Variants in NRXN3 observed in about 807,000 individuals in gnomAD.
NRXN3 encodes the protein neurexin III.
Under a neutral mutation model 137.6 loss-of-function variants are expected in NRXN3, and 32 were observed. The observed-to-expected ratio is 0.23, with a 90% CI of 0.18 to 0.31. The LOEUF (loss-of-function observed/expected upper bound fraction) is 0.31, where lower values mean the gene tolerates loss of function less well. Ranked by LOEUF, NRXN3 falls within the 10% of genes least tolerant of loss-of-function variation. The pLI is 1.00. For synonymous variants in NRXN3, 798 were observed against 784.5 expected, an observed-to-expected ratio of 1.02 and a Z score of -0.29; for missense variants, 1,574 against 2,062.5, an observed-to-expected ratio of 0.76 and a Z score of 4.59.
chr14:78,550,992 T>G (rs1301897814), intron 4 of NRXN3, among the ~76,000 whole-genome samples: 1 of 152,224 alleles, frequency 6.6e-6, no homozygotes, highest in Non-Finnish European at 1.5e-5. Context: ...AATGACCTTG[T>G]GTAAGCTTTT....
At chr14:79,763,204 C>T (rs922377042) in intron 19 of NRXN3, among the ~76,000 whole-genome samples, 1 of 151,584 alleles carries the variant, frequency 6.6e-6, no homozygotes, top group African/African-American at 2.4e-5. Flanking sequence ...ATGAACTCAT[C>T]CTTTTTTATG....
intron 16 of NRXN3, among the ~76,000 whole-genome samples, chr14:79,565,304 C>CAT (rs1790811652): frequency 2.5e-5 from 3 of 119,656 alleles, no homozygotes; most frequent in Admixed American, 7.9e-5. Context: ...TGTGTATATA[C>CAT]ATATACACAC....
chr14:79,204,643 G>T (rs1263364310), intron 15 of NRXN3, among the ~76,000 whole-genome samples: 2 of 152,098 alleles, frequency 1.3e-5, no homozygotes, highest in African/African-American at 4.8e-5. Flanking sequence ...TTAAACATTT[G>T]TGGGTGTATT....
intron 4 of NRXN3, among the ~76,000 whole-genome samples, chr14:78,527,007 A>C (rs1411668728): frequency 6.6e-6 from 1 of 152,204 alleles, no homozygotes; most frequent in Non-Finnish European, 1.5e-5. Flanking sequence ...GAATTCAAGT[A>C]ATCTAGAGCT....
At chr14:78,665,100 C>T (rs1038743131) in intron 6 of NRXN3, among the ~76,000 whole-genome samples, 4 of 152,008 alleles carry the variant, frequency 2.6e-5, no homozygotes, top group African/African-American at 7.3e-5. Context: ...ATTCACATTA[C>T]GGTTGAAGGA....
intron 15 of NRXN3, among the ~76,000 whole-genome samples, chr14:79,251,375 G>T (rs2075902200): frequency 1.3e-5 from 2 of 152,142 alleles, no homozygotes; most frequent in South Asian, 4.1e-4. Context: ...CTCTAGTTTA[G>T]ATAGGGAGAG....
At chr14:79,337,009 C>T (rs563345098) in intron 15 of NRXN3, among the ~76,000 whole-genome samples, 1 of 152,130 alleles carries the variant, frequency 6.6e-6, no homozygotes, top group Admixed American at 6.5e-5. Context: ...AATATGCTGC[C>T]GTTAAAAACG....
intron 10 of NRXN3, among the ~76,000 whole-genome samples, chr14:78,913,362 C>T (rs1267853271): frequency 1.4e-5 from 2 of 145,594 alleles, no homozygotes; most frequent in African/African-American, 5.1e-5. Context: ...CCACTGCAAC[C>T]TCCACCTCCC....
intron 4 of NRXN3, among the ~76,000 whole-genome samples, chr14:78,501,670 A>C (rs1375235893): frequency 6.6e-6 from 1 of 152,104 alleles, no homozygotes; most frequent in Non-Finnish European, 1.5e-5. Context: ...AGGACATTTC[A>C]ATTCTGGAAG....
intron 17 of NRXN3, among the ~76,000 whole-genome samples, chr14:79,674,010 A>G (rs1456512383): frequency 1.3e-5 from 2 of 152,162 alleles, no homozygotes; most frequent in African/African-American, 2.4e-5. Flanking sequence ...TGAACCTACA[A>G]TTCCACAAAG....
chr14:78,742,778 T>C (rs2098584984), intron 8 of NRXN3, among the ~76,000 whole-genome samples: 1 of 152,204 alleles, frequency 6.6e-6, no homozygotes, highest in Admixed American at 6.5e-5. Flanking sequence ...TAAATAAAAG[T>C]TTAAGCTTCT....
At chr14:79,742,520 T>C (rs1043741188) in intron 19 of NRXN3, among the ~76,000 whole-genome samples, 1 of 152,190 alleles carries the variant, frequency 6.6e-6, no homozygotes, top group African/African-American at 2.4e-5. Flanking sequence ...TCTCCACCTA[T>C]ATTATCATGT....
intron 15 of NRXN3, among the ~76,000 whole-genome samples, chr14:79,271,270 A>T (rs1001173001): frequency 6.6e-6 from 1 of 152,134 alleles, no homozygotes; most frequent in African/African-American, 2.4e-5. Flanking sequence ...AAACTTTTTT[A>T]AAAATATGGT....
intron 4 of NRXN3, among the ~76,000 whole-genome samples, chr14:78,507,814 A>G (rs1233328937): frequency 6.6e-6 from 1 of 152,168 alleles, no homozygotes; most frequent in Non-Finnish European, 1.5e-5. Context: ...TTCTTGAGAC[A>G]CCTTGAGTTT....
chr14:79,124,139 T>A (rs561567413), intron 15 of NRXN3, among the ~76,000 whole-genome samples: 2 of 152,290 alleles, frequency 1.3e-5, no homozygotes, highest in African/African-American at 4.8e-5. Flanking sequence ...ATTGATTGCA[T>A]CAGCGCTCAA....
intron 15 of NRXN3, among the ~76,000 whole-genome samples, chr14:79,055,655 C>A (rs1180261103): frequency 6.6e-6 from 1 of 152,108 alleles, no homozygotes; most frequent in African/African-American, 2.4e-5. Flanking sequence ...ACATTCTAAT[C>A]TTAATAGGAA....
intron 15 of NRXN3, among the ~76,000 whole-genome samples, chr14:79,264,654 C>T (rs142617889): frequency 1.8e-3 from 269 of 152,162 alleles, no homozygotes; most frequent in African/African-American, 6.2e-3. Flanking sequence ...TATGACCTCA[C>T]TTAACCTTAA....
At position 78,449,969 on chromosome 14, in the gene NRXN3, T is replaced by C. The variant is rs183263749; in HGVS notation, c.757+152109T>C. Among the ~76,000 whole-genome samples the C allele has an allele frequency of 2.3e-3, 352 of 152,344 alleles. 2 individuals carry two copies. The highest frequency in any genetic ancestry group is 8.0e-3 in the African/African-American group (332 of 41,590). On this transcript the variant is annotated intron_variant, in intron 4 of 20. Transcript: ENST00000335750. The stretch of plus-strand genomic sequence containing the variant: ...ACCATTGGCTATCTGTCTACCCAAC[T>C]CATTTCCTATGTCTTCAAACTCTTA...
At chr14:78,883,560 C>A (rs1169133603) in intron 10 of NRXN3, among the ~76,000 whole-genome samples, 2 of 152,190 alleles carry the variant, frequency 1.3e-5, no homozygotes, top group Admixed American at 1.3e-4. Flanking sequence ...CTTCTAATAT[C>A]CTTCAAGGTA....
Sources: allele counts gnomAD v4.1 joint callset (sites outside exome capture counted in the v4.1 genomes callset), GRCh38; gene constraint gnomAD v4.1.1; transcripts MANE v1.5; gene names NCBI Gene and HGNC (gene_info 2026-07-23, HGNC 2026-07-21).